UNK: variants seen among roughly 807,000 people sequenced by gnomAD.
UNK encodes the protein unk zinc finger.
Under a neutral mutation model 97.6 loss-of-function variants are expected in UNK, and 32 were observed. The observed-to-expected ratio is 0.33, with a 90% CI of 0.25 to 0.44. The LOEUF (loss-of-function observed/expected upper bound fraction) is 0.44. UNK is among the 20% of genes least tolerant of loss of function. The pLI is 1.00. For missense variants in UNK, 771 were observed against 1,098.4 expected, an observed-to-expected ratio of 0.70 and a Z score of 4.21; for synonymous variants, 441 against 461.2, an observed-to-expected ratio of 0.96 and a Z score of 0.56.
intron 1 of UNK, among the ~76,000 whole-genome samples, chr17:75,797,176 A>G (rs2061813510): frequency 6.6e-6 from 1 of 152,180 alleles, no homozygotes; most frequent in African/African-American, 2.4e-5. Context: ...GATTAGGACT[A>G]TGTCTTGCTT....
At chr17:75,810,108 AC>A in intron 2 of UNK, 139 bp downstream of exon 2, 1 of 1,025,370 alleles carries the variant, frequency 9.8e-7, no homozygotes, top group Non-Finnish European at 1.4e-6. Context: ...CTGGACTCAG[AC>A]CCCACCATCC....
intron 1 of UNK, among the ~76,000 whole-genome samples, chr17:75,799,556 G>T (rs1183353550): frequency 6.6e-6 from 1 of 152,174 alleles, no homozygotes; most frequent in Non-Finnish European, 1.5e-5. Flanking sequence ...TTTGTACCAG[G>T]TTTCTACCAC....
At chr17:75,785,018 C>A in intron 1 of UNK, 34 bp downstream of exon 1, 2 of 1,396,424 alleles carry the variant, frequency 1.4e-6, no homozygotes, top group South Asian at 1.4e-5. Flanking sequence ...GCCGCGCGCG[C>A]ACGCCTGACG....
chr17:75,787,680 T>C (rs2143659922), intron 1 of UNK, among the ~76,000 whole-genome samples: 1 of 151,804 alleles, frequency 6.6e-6, no homozygotes, highest in Admixed American at 6.6e-5. Context: ...AAAAAATTAG[T>C]CAGGCCTGGT....
At chr17:75,821,458 G>T (rs763374597) in intron 13 of UNK, 2 of 444,552 alleles carry the variant, frequency 4.5e-6, no homozygotes, top group Non-Finnish European at 9.1e-6. Flanking sequence ...AGATGGGTGG[G>T]ACAGGAGAGC....
chr17:75,799,047 T>C (rs1599365909), intron 1 of UNK, among the ~76,000 whole-genome samples: 1 of 150,518 alleles, frequency 6.6e-6, no homozygotes, highest in Non-Finnish European at 1.5e-5. Flanking sequence ...GTCTGGGCGA[T>C]AGTGCGAGAC....
chr17:75,812,719 C>G, intron 4 of UNK, 134 bp downstream of exon 4: 1 of 1,358,870 alleles, frequency 7.4e-7, no homozygotes, highest in Non-Finnish European at 9.7e-7. Flanking sequence ...CCTACACCCA[C>G]CATTCAAAAG....
At chr17:75,795,136 T>C (rs578029770) in intron 1 of UNK, among the ~76,000 whole-genome samples, 3 of 152,224 alleles carry the variant, frequency 2.0e-5, no homozygotes, top group African/African-American at 7.2e-5. Context: ...ATACTGCTTG[T>C]ATCTTACATG....
chr17:75,801,191 C>T (rs1046579909), intron 1 of UNK, among the ~76,000 whole-genome samples: 2 of 152,158 alleles, frequency 1.3e-5, no homozygotes, highest in East Asian at 3.8e-4. Flanking sequence ...GTGTGAGCCA[C>T]TGCACCCAGC....
At chr17:75,809,715 TC>T in intron 1 of UNK, 44 bp from the exon 2 acceptor site, 1 of 1,551,096 alleles carries the variant, frequency 6.4e-7, no homozygotes, top group Non-Finnish European at 8.7e-7. Context: ...GCAAGAGACT[TC>T]ATTCTCTGCT....
At chr17:75,791,994 G>A (rs1207580663) in intron 1 of UNK, 6 of 985,294 alleles carry the variant, frequency 6.1e-6, no homozygotes, top group Admixed American at 6.2e-5. Flanking sequence ...ACGTCCTCCC[G>A]CTTTTCAACA....
At chr17:75,787,707 C>T (rs1312544410) in intron 1 of UNK, among the ~76,000 whole-genome samples, 1 of 151,868 alleles carries the variant, frequency 6.6e-6, no homozygotes, top group Non-Finnish European at 1.5e-5. Context: ...CACCTGCAGT[C>T]CCAGCTACTC....
chr17:75,824,141 C>T lies in UNK; in HGVS notation c.2278-121C>T. The stretch of plus-strand genomic sequence containing the variant: ...CTGCCAACAGGGGTCTGGGAGCACA[C>T]TGTTGAGCTCGGTACCTCAGTTTTC... On this transcript the variant is annotated intron_variant, in intron 15 of 15. Coordinates refer to ENST00000589666, the MANE Select transcript of UNK (RefSeq NM_001080419.3). This position sits in a 1 kb window ranked among gnomAD's most constrained non-coding sequence, Gnocchi z 4.9. The T allele has an allele frequency of 8.0e-7, 1 of 1,246,650 alleles. No homozygotes were observed. The highest frequency in any genetic ancestry group is 3.1e-5 in the Admixed American group (1 of 32,594). The allele number at this position is 1,246,650 out of a possible 1,614,324, so 77.2% of individuals were successfully genotyped here. A position where few individuals can be genotyped will look rare whatever the true frequency, so the allele number is the denominator to read the frequency against.
chr17:75,795,239 T>C (rs1311767042), intron 1 of UNK, among the ~76,000 whole-genome samples: 2 of 152,278 alleles, frequency 1.3e-5, no homozygotes, highest in East Asian at 1.9e-4. Context: ...AGTTTAAACA[T>C]ATTACTAAAG....
chr17:75,819,623 C>T lies in UNK; in HGVS notation c.1547-61C>T, dbSNP rs1048257810. ...GTGAAGATGCAGCGTGGGCAGTAGACGAGGTGGTCAGGGTCAGATAGTCCC... is the reference window on the plus strand; with the variant it reads ...GTGAAGATGCAGCGTGGGCAGTAGATGAGGTGGTCAGGGTCAGATAGTCCC... On this transcript the variant is annotated intron_variant, in intron 11 of 15. Coordinates refer to ENST00000589666, the MANE Select transcript of UNK (RefSeq NM_001080419.3). This position sits in a 1 kb window ranked among gnomAD's most constrained non-coding sequence, Gnocchi z 5.4. 20 of 1,502,220 alleles carry T rather than the reference C, an allele frequency of 1.3e-5. No individual in the cohort carries two copies. The highest frequency in any genetic ancestry group is 8.3e-5 in the African/African-American group (6 of 72,662). The allele number at this position is 1,502,220 out of a possible 1,614,324, so 93.1% of individuals were successfully genotyped here. A position where few individuals can be genotyped will look rare whatever the true frequency, so the allele number is the denominator to read the frequency against.
chr17:75,824,473 T>TAC lies in UNK; in HGVS notation c.*57_*58insCA. 2.4e-6 allele frequency: 2 copies of TAC among 844,204 alleles called. No individual in the cohort carries two copies. The highest frequency in any genetic ancestry group is 3.0e-6 in the Non-Finnish European group (2 of 662,842). 52.3% of individuals were successfully genotyped at this position (844,204 alleles called of 1,614,324 possible). A position where few individuals can be genotyped will look rare whatever the true frequency, so the allele number is the denominator to read the frequency against. On this transcript the variant is annotated 3_prime_UTR_variant, in exon 16 of 16. Transcript: ENST00000589666. The surrounding 1 kb of genome is among the most constrained non-coding windows in gnomAD (Gnocchi z 4.9). ...TCTTCTCACCTAGGACTTTTTAAAG[T>TAC]ATATATATATATATGAATATATATA...
chr17:75,820,219 A>C, intron 13 of UNK, 111 bp downstream of exon 13: 1 of 1,190,002 alleles, frequency 8.4e-7, no homozygotes, highest in Non-Finnish European at 1.2e-6. Flanking sequence ...GGGTTAGGGC[A>C]GAGGCCTTGG....
chr17:75,811,599 T>A (rs926602215), intron 2 of UNK, among the ~76,000 whole-genome samples: 4 of 152,260 alleles, frequency 2.6e-5, no homozygotes, highest in African/African-American at 9.6e-5. Flanking sequence ...CCATTTAGGC[T>A]GCAGGCAGCA....
chr17:75,792,158 G>T (rs898317606), intron 1 of UNK: 2 of 900,898 alleles, frequency 2.2e-6, no homozygotes. Flanking sequence ...TTCTCATTAG[G>T]AGAGACTCCA....
Sources: gnomAD v4.1 joint callset for allele counts (sites outside exome capture counted in the v4.1 genomes callset) on GRCh38, gnomAD v4.1.1 for gene constraint, Gnocchi (gnomAD v3.1) non-coding constraint, MANE v1.5 for transcripts, NCBI Gene and HGNC (gene_info 2026-07-23, HGNC 2026-07-21) for gene names.